The following SLC2A9 variants were observed in gnomAD, a reference collection of about 807,000 sequenced individuals.
SLC2A9 encodes the protein solute carrier family 2, facilitated glucose transporter member 9.
In SLC2A9, 39 loss-of-function variants were observed where a neutral mutation model predicts 50.6. The ratio of observed to expected loss-of-function variants is 0.77; its 90% CI spans 0.60 to 1.01. The LOEUF is 1.01. SLC2A9 is among the 50% of genes least tolerant of loss of function. The pLI is 0.00. For missense variants in SLC2A9, 686 were observed against 677.6 expected (o/e 1.01, Z -0.14); for synonymous variants, 324 against 276.9 (o/e 1.17, Z -1.69).
intron 10 of SLC2A9, among the ~76,000 whole-genome samples, chr4:9,886,507 C>A (rs1265238483): frequency 2.6e-5 from 4 of 151,368 alleles, no homozygotes; most frequent in African/African-American, 9.7e-5. Context: ...GATGCCCTCC[C>A]CAACCATTCC....
chr4:9,823,896 T>C (rs953619693), downstream of SLC2A9, among the ~76,000 whole-genome samples: 9 of 152,234 alleles, frequency 5.9e-5, no homozygotes, highest in Non-Finnish European at 8.8e-5. Flanking sequence ...TACAGAGCTG[T>C]CTAAAAATTA....
chr4:10,019,383 G>A, intron 1 of SLC2A9: 1 of 460,346 alleles, frequency 2.2e-6, no homozygotes, highest in Middle Eastern at 5.9e-4. Context: ...GATCCTTTCA[G>A]CGAAGTTGGC....
At chr4:9,800,566 T>A (rs1577321181) in intron 3 of SLC2A9, among the ~76,000 whole-genome samples, 1 of 152,162 alleles carries the variant, frequency 6.6e-6, no homozygotes, top group East Asian at 1.9e-4. Flanking sequence ...TGTGAGAAAA[T>A]ACTTTTGTGT....
intron 8 of SLC2A9, among the ~76,000 whole-genome samples, chr4:9,901,678 C>T (rs1476252663): frequency 1.3e-5 from 2 of 152,082 alleles, no homozygotes; most frequent in Admixed American, 6.5e-5. Flanking sequence ...CCATGCCCCC[C>T]CACCAGCCCC....
At chr4:10,005,686 A>G (rs1760670586) in intron 2 of SLC2A9, among the ~76,000 whole-genome samples, 1 of 152,232 alleles carries the variant, frequency 6.6e-6, no homozygotes, top group East Asian at 1.9e-4. Flanking sequence ...AAAAGGCTAC[A>G]TGGTTAAAGC....
At chr4:10,002,976 AAC>A (rs1399866442) in intron 2 of SLC2A9, among the ~76,000 whole-genome samples, 5 of 152,230 alleles carry the variant, frequency 3.3e-5, no homozygotes, top group African/African-American at 1.2e-4. Flanking sequence ...TAGTGGGAGA[AAC>A]AGTGATGATT....
chr4:9,867,720 T>C (rs1184895020), intron 10 of SLC2A9, among the ~76,000 whole-genome samples: 1 of 152,192 alleles, frequency 6.6e-6, no homozygotes, highest in Non-Finnish European at 1.5e-5. Context: ...ACACCGTGGA[T>C]GGAGGTCTGA....
At chr4:9,861,356 C>T (rs1731602384) in intron 10 of SLC2A9, among the ~76,000 whole-genome samples, 1 of 151,942 alleles carries the variant, frequency 6.6e-6, no homozygotes, top group African/African-American at 2.4e-5. Flanking sequence ...AACTCACTAT[C>T]ACAAGGACAG....
chr4:9,920,580 CAG>C lies in SLC2A9; in HGVS notation c.815-10_815-9del. 2 of 1,614,076 alleles carry C rather than the reference CAG, an allele frequency of 1.2e-6. No homozygotes were observed. Among genetic ancestry groups the C allele is most frequent in the Non-Finnish European group, 1.7e-6 (2 of 1,180,022 alleles). On this transcript the variant is annotated splice_polypyrimidine_tract_variant and intron_variant, in intron 6 of 11. Coordinates refer to ENST00000264784, the MANE Select transcript of SLC2A9 (RefSeq NM_020041.3). ...CCAAGAACGTTTGGAAGGCTGCAAA[CAG>C]AGGCACACATGGACTTTCAGCAGGG... is the stretch of plus-strand genomic sequence containing the variant.
intron 10 of SLC2A9, among the ~76,000 whole-genome samples, chr4:9,885,573 T>C (rs538299443): frequency 5.3e-5 from 8 of 152,334 alleles, no homozygotes; most frequent in African/African-American, 1.9e-4. Flanking sequence ...AAAGCACACA[T>C]CTTCCCTGCC....
intron 3 of SLC2A9, among the ~76,000 whole-genome samples, chr4:9,808,017 A>G (rs1722354907): frequency 6.6e-6 from 1 of 152,176 alleles, no homozygotes; most frequent in Admixed American, 6.5e-5. Context: ...GCTCTAAGTC[A>G]TGATGGAGCC....
chr4:9,867,826 C>T (rs1732733593), intron 10 of SLC2A9, among the ~76,000 whole-genome samples: 1 of 152,192 alleles, frequency 6.6e-6, no homozygotes, highest in African/African-American at 2.4e-5. Flanking sequence ...TGGACTGCCC[C>T]CCTATGCAGG....
chr4:9,819,840 A>G (rs1047838754), intron 3 of SLC2A9, among the ~76,000 whole-genome samples: 2 of 152,252 alleles, frequency 1.3e-5, no homozygotes, highest in African/African-American at 4.8e-5. Context: ...AGGCTGTGGC[A>G]GGAGAATCGC....
At chr4:9,801,156 C>T (rs1466054802) in intron 3 of SLC2A9, among the ~76,000 whole-genome samples, 1 of 152,104 alleles carries the variant, frequency 6.6e-6, no homozygotes, top group Non-Finnish European at 1.5e-5. Flanking sequence ...TGGCTCAGTC[C>T]CCTCTTTCCC....
At chr4:10,005,197 G>A (rs566889116) in intron 2 of SLC2A9, among the ~76,000 whole-genome samples, 83 of 152,352 alleles carry the variant, frequency 5.4e-4, no homozygotes, top group African/African-American at 1.9e-3. Flanking sequence ...AGGAAGCCAA[G>A]AAAGGCTGTG....
At chr4:9,783,335 C>T (rs1718773012) in intron 3 of SLC2A9, 2 of 1,614,220 alleles carry the variant, frequency 1.2e-6, no homozygotes, top group East Asian at 2.2e-5. Flanking sequence ...TCCTTTCGAT[C>T]GCATGTTCCA....
intron 3 of SLC2A9, among the ~76,000 whole-genome samples, chr4:9,817,567 T>G (rs989623718): frequency 3.3e-5 from 5 of 152,340 alleles, no homozygotes; most frequent in Non-Finnish European, 7.3e-5. Flanking sequence ...TCCACTCACA[T>G]AGTCACATTT....
chr4:9,995,109 G>T (rs1212773363), intron 3 of SLC2A9, among the ~76,000 whole-genome samples: 5 of 152,178 alleles, frequency 3.3e-5, no homozygotes, highest in Non-Finnish European at 5.9e-5. Flanking sequence ...GTGCAAGCTA[G>T]CTAAGCTTGT....
intron 6 of SLC2A9, among the ~76,000 whole-genome samples, chr4:9,932,383 T>C (rs1338962392): frequency 6.6e-6 from 1 of 152,096 alleles, no homozygotes; most frequent in African/African-American, 2.4e-5. Flanking sequence ...CAGCAATAAG[T>C]AAAATAGGAA....
Sources: gnomAD v4.1 joint callset for allele counts (sites outside exome capture counted in the v4.1 genomes callset) on GRCh38, gnomAD v4.1.1 for gene constraint, MANE v1.5 for transcripts, NCBI Gene and HGNC (gene_info 2026-07-23, HGNC 2026-07-21) for gene names.